The following CNTN5 variants were observed in gnomAD, a reference collection of about 807,000 sequenced individuals.
The protein encoded by CNTN5 is contactin-5.
In CNTN5, 77 loss-of-function variants were observed where a neutral mutation model predicts 129.1. That is an observed-to-expected ratio of 0.60 (90% CI 0.50 to 0.72). CNTN5 has a LOEUF of 0.72. Ranked by LOEUF, CNTN5 falls within the 30% of genes least tolerant of loss-of-function variation. CNTN5 has a pLI of 0.00. For synonymous variants in CNTN5, 509 were observed against 465.6 expected, an observed-to-expected ratio of 1.09 and a Z score of -1.20; for missense variants, 1,478 against 1,328.8, an observed-to-expected ratio of 1.11 and a Z score of -1.75.
chr11:100,355,773 T>G (rs565778790), intron 24 of CNTN5, among the ~76,000 whole-genome samples: 69 of 151,828 alleles, frequency 4.5e-4, no homozygotes, highest in African/African-American at 1.6e-3. Context: ...TGCCACAAAT[T>G]TTGTAATTTT....
chr11:100,070,643 T>C (rs986022809), intron 11 of CNTN5, 83 bp downstream of exon 11: 2 of 1,318,964 alleles, frequency 1.5e-6, no homozygotes, highest in African/African-American at 1.5e-5. Context: ...TTAGTCTTAT[T>C]GAAAGCCTTT....
At chr11:99,358,426 T>G (rs1265645617) in intron 2 of CNTN5, among the ~76,000 whole-genome samples, 1 of 150,980 alleles carries the variant, frequency 6.6e-6, no homozygotes, top group Non-Finnish European at 1.5e-5. Flanking sequence ...CCAGGCGTGG[T>G]GATGTGCACC....
chr11:99,987,534 T>C (rs200765436), intron 8 of CNTN5, among the ~76,000 whole-genome samples: 2 of 133,900 alleles, frequency 1.5e-5, no homozygotes, highest in South Asian at 4.8e-4. Context: ...AATATATATA[T>C]ATATATATAC....
chr11:99,440,109 C>T (rs373346371), intron 2 of CNTN5, among the ~76,000 whole-genome samples: 6 of 152,102 alleles, frequency 3.9e-5, no homozygotes, highest in Admixed American at 2.6e-4. Flanking sequence ...AAACAGAAAA[C>T]ATTCCTTCAC....
intron 1 of CNTN5, among the ~76,000 whole-genome samples, chr11:99,073,147 A>T (rs947405890): frequency 2.6e-5 from 4 of 152,120 alleles, no homozygotes; most frequent in Non-Finnish European, 5.9e-5. Context: ...GAGGGCATTT[A>T]GGTTGTTGAT....
At chr11:100,080,626 G>A (rs1399301376) in intron 13 of CNTN5, among the ~76,000 whole-genome samples, 2 of 152,056 alleles carry the variant, frequency 1.3e-5, no homozygotes, top group Admixed American at 6.6e-5. Flanking sequence ...GGTATAATTA[G>A]GGCCCTGTTT....
chr11:99,933,476 C>T (rs1386061063), intron 7 of CNTN5, among the ~76,000 whole-genome samples: 1 of 152,150 alleles, frequency 6.6e-6, no homozygotes. Context: ...ACAAGAAGTT[C>T]CCCAGTGCTC....
At chr11:100,046,592 T>C (rs1942688590) in intron 9 of CNTN5, among the ~76,000 whole-genome samples, 1 of 152,184 alleles carries the variant, frequency 6.6e-6, no homozygotes, top group Non-Finnish European at 1.5e-5. Context: ...GTAATTGTAA[T>C]TTATTTATTT....
chr11:99,518,702 C>A (rs936096440), intron 2 of CNTN5, among the ~76,000 whole-genome samples: 3 of 151,992 alleles, frequency 2.0e-5, no homozygotes, highest in African/African-American at 7.2e-5. Flanking sequence ...ACAAGATCTT[C>A]CATTTTCTTT....
intron 18 of CNTN5, among the ~76,000 whole-genome samples, chr11:100,276,268 G>A (rs1368536152): frequency 3.3e-5 from 5 of 151,980 alleles, no homozygotes; most frequent in African/African-American, 7.3e-5. Context: ...GGTCAGGCAC[G>A]GTGGCTCATG....
At chr11:100,031,207 C>T (rs1272728979) in intron 9 of CNTN5, among the ~76,000 whole-genome samples, 9 of 152,124 alleles carry the variant, frequency 5.9e-5, no homozygotes, top group Admixed American at 2.0e-4. Flanking sequence ...CTATATCACA[C>T]GAAACTATTG....
chr11:99,852,065 T>C (rs1394849434), intron 6 of CNTN5, among the ~76,000 whole-genome samples: 2 of 152,202 alleles, frequency 1.3e-5, no homozygotes, highest in Non-Finnish European at 2.9e-5. Context: ...ATGAGTCAGA[T>C]TGACATGGAT....
chr11:99,867,687 C>G (rs1235537057), intron 6 of CNTN5, among the ~76,000 whole-genome samples: 1 of 152,186 alleles, frequency 6.6e-6, no homozygotes, highest in East Asian at 1.9e-4. Flanking sequence ...CTTATAATTA[C>G]ATTGGCTTCA....
intron 4 of CNTN5, among the ~76,000 whole-genome samples, chr11:99,820,551 T>C (rs1181770467): frequency 2.6e-5 from 4 of 152,408 alleles, no homozygotes; most frequent in African/African-American, 9.6e-5. Flanking sequence ...CATTTTTGGA[T>C]CCATCGACAA....
chr11:99,252,712 C>T (rs1438567813), intron 1 of CNTN5, among the ~76,000 whole-genome samples: 2 of 151,886 alleles, frequency 1.3e-5, no homozygotes. Flanking sequence ...ATTGTCCTTT[C>T]TCAGGATTTT....
At chr11:100,352,006 T>C (rs1952427169) in intron 24 of CNTN5, among the ~76,000 whole-genome samples, 1 of 151,632 alleles carries the variant, frequency 6.6e-6, no homozygotes, top group Non-Finnish European at 1.5e-5. Flanking sequence ...GACATAATAC[T>C]TGATAATTTT....
At chr11:100,220,128 T>A (rs1286908455) in intron 15 of CNTN5, among the ~76,000 whole-genome samples, 1 of 151,526 alleles carries the variant, frequency 6.6e-6, no homozygotes, top group Non-Finnish European at 1.5e-5. Flanking sequence ...ATACAAAAAA[T>A]TAGCCGGGCG....
chr11:100,339,027 G>A (rs1952099489), intron 21 of CNTN5, among the ~76,000 whole-genome samples: 1 of 151,692 alleles, frequency 6.6e-6, no homozygotes, highest in African/African-American at 2.4e-5. Context: ...CAACTGACAG[G>A]AGCAAGCTCT....
chr11:99,903,071 A>G (rs1016005327), intron 6 of CNTN5, among the ~76,000 whole-genome samples: 26 of 152,104 alleles, frequency 1.7e-4, no homozygotes, highest in Non-Finnish European at 1.0e-4. Flanking sequence ...ATGCAAATCT[A>G]TGTTACTTGA....
Sources: allele counts gnomAD v4.1 joint callset (sites outside exome capture counted in the v4.1 genomes callset), GRCh38; gene constraint gnomAD v4.1.1; transcripts MANE v1.5; gene names NCBI Gene and HGNC (gene_info 2026-07-23, HGNC 2026-07-21).